The following AGTPBP1 variants were observed in gnomAD, a reference collection of about 807,000 sequenced individuals.
AGTPBP1 encodes ATP/GTP binding carboxypeptidase 1.
A neutral mutation model predicts 143.9 loss-of-function variants in AGTPBP1; 70 were observed. That is an observed-to-expected ratio of 0.49 (90% confidence interval 0.40 to 0.59). The LOEUF (loss-of-function observed/expected upper bound fraction) is 0.59. Among genes scored for constraint, AGTPBP1 ranks in the 20% least tolerant of loss-of-function variants. The probability of loss-of-function intolerance (pLI) is 0.00; values close to 1 mark genes in which losing one functional copy is unlikely to be tolerated. For missense variants in AGTPBP1, 1,229 were observed against 1,464.5 expected (o/e 0.84, Z 2.62); for synonymous variants, 463 against 500.2 (o/e 0.93, Z 0.99).
rs116116235 is a variant in AGTPBP1, at chr9:85,584,856, C to A, written c.3165+607G>T. On this transcript the variant is annotated intron_variant, in intron 23 of 25. Transcript: ENST00000357081. ...ACTTTACCAAATATAAAAGACTTGACTAAATAGACACATAGGCAATGGTCA... is the reference window on the plus strand; with the variant it reads ...ACTTTACCAAATATAAAAGACTTGAATAAATAGACACATAGGCAATGGTCA... Among the ~76,000 whole-genome samples, 454 of 152,224 alleles carry A rather than the reference C, an allele frequency of 3.0e-3. 3 individuals carry two copies. Among genetic ancestry groups the A allele is most frequent in the African/African-American group, 0.01 (434 of 41,530 alleles).
intron 14 of AGTPBP1, among the ~76,000 whole-genome samples, chr9:85,627,264 A>T (rs1274421294): frequency 1.3e-5 from 2 of 152,166 alleles, no homozygotes; most frequent in Non-Finnish European, 2.9e-5. Flanking sequence ...GCGCGCACAC[A>T]CACACACAGA....
intron 5 of AGTPBP1, among the ~76,000 whole-genome samples, chr9:85,677,931 G>A (rs963076347): frequency 6.6e-6 from 1 of 152,174 alleles, no homozygotes; most frequent in African/African-American, 2.4e-5. Context: ...TTGAACCTAG[G>A]AGGCAGAGGT....
At chr9:85,728,412 G>A (rs1391172676) in intron 1 of AGTPBP1, among the ~76,000 whole-genome samples, 1 of 152,024 alleles carries the variant, frequency 6.6e-6, no homozygotes. Context: ...CACTCGAGAT[G>A]AGATTTACTG....
intron 3 of AGTPBP1, among the ~76,000 whole-genome samples, chr9:85,690,682 G>A (rs12551635): frequency 6.6e-5 from 10 of 151,514 alleles, no homozygotes; most frequent in South Asian, 4.2e-4. Flanking sequence ...CTCTGATAGC[G>A]GTATGGTCAG....
chr9:85,771,101 T>C, the AGTPBP1 span, among the ~76,000 whole-genome samples: 3 of 152,228 alleles, frequency 2.0e-5, no homozygotes, highest in Non-Finnish European at 4.4e-5. Context: ...ACTTAAGTTA[T>C]ATATTATGAA....
At chr9:85,633,778 T>C (rs1831844176) in intron 13 of AGTPBP1, among the ~76,000 whole-genome samples, 1 of 152,134 alleles carries the variant, frequency 6.6e-6, no homozygotes, top group South Asian at 2.1e-4. Flanking sequence ...AACTCTTCCC[T>C]TTTGTAGCTG....
At chr9:85,722,715 G>A (rs1838210764) in intron 1 of AGTPBP1, among the ~76,000 whole-genome samples, 1 of 152,098 alleles carries the variant, frequency 6.6e-6, no homozygotes, top group South Asian at 2.1e-4. Flanking sequence ...TTGTTCCTTT[G>A]CAGTGAGGAA....
At chr9:85,672,489 TAAAATTCTTTTTGTG>T in intron 7 of AGTPBP1, 46 bp downstream of exon 7, 1 of 1,552,412 alleles carries the variant, frequency 6.4e-7, no homozygotes, top group South Asian at 1.2e-5. Context: ...CAGGATACTT[TAAAATTCTTTTTGTG>T]TAACTTTACA....
intron 1 of AGTPBP1, among the ~76,000 whole-genome samples, chr9:85,731,378 G>A (rs1037935840): frequency 6.6e-6 from 1 of 152,042 alleles, no homozygotes; most frequent in African/African-American, 2.4e-5. Context: ...TGACAGGAAT[G>A]TACAATGGTG....
the AGTPBP1 span, among the ~76,000 whole-genome samples, chr9:85,797,283 A>T: frequency 6.6e-6 from 1 of 151,824 alleles, no homozygotes; most frequent in African/African-American, 2.4e-5. Context: ...AATTTTTTTT[A>T]CTTAAGGTAG....
intron 23 of AGTPBP1, among the ~76,000 whole-genome samples, chr9:85,579,580 A>AC (rs1828111989): frequency 7.9e-6 from 1 of 127,322 alleles, no homozygotes; most frequent in Non-Finnish European, 1.5e-5. Context: ...ACCCTGAGAA[A>AC]TTGTGTGTGT....
At chr9:85,609,105 G>T (rs1830159840) in intron 17 of AGTPBP1, among the ~76,000 whole-genome samples, 1 of 152,098 alleles carries the variant, frequency 6.6e-6, no homozygotes. Flanking sequence ...CTCATGGAGT[G>T]TATGTGTGTT....
upstream of AGTPBP1, among the ~76,000 whole-genome samples, chr9:85,744,873 C>T (rs1162236153): frequency 6.6e-6 from 1 of 152,226 alleles, no homozygotes; most frequent in Non-Finnish European, 1.5e-5. Context: ...TTCATGAAAT[C>T]ATACTTTTAT....
chr9:85,695,344 T>C (rs1365891373), intron 2 of AGTPBP1, among the ~76,000 whole-genome samples: 3 of 152,150 alleles, frequency 2.0e-5, no homozygotes, highest in African/African-American at 7.2e-5. Context: ...TAAATGTTTG[T>C]TACCACAGAA....
chr9:85,759,041 T>G, the AGTPBP1 span, among the ~76,000 whole-genome samples: 15 of 152,052 alleles, frequency 9.9e-5, no homozygotes, highest in African/African-American at 3.4e-4. Context: ...TACATAATGG[T>G]AAAGGGATCA....
At chr9:85,580,190 T>C (rs1828163934) in intron 23 of AGTPBP1, among the ~76,000 whole-genome samples, 2 of 151,218 alleles carry the variant, frequency 1.3e-5, no homozygotes, top group South Asian at 4.2e-4. Flanking sequence ...TGAGCCGAGA[T>C]TGCACCATTG....
chr9:85,550,086 G>A (rs1009700845), intron 25 of AGTPBP1, among the ~76,000 whole-genome samples: 7 of 152,134 alleles, frequency 4.6e-5, no homozygotes, highest in African/African-American at 1.4e-4. Context: ...GGGCCCACCA[G>A]TGCTAGCTCG....
the AGTPBP1 span, among the ~76,000 whole-genome samples, chr9:85,748,910 A>G: frequency 2.0e-4 from 31 of 152,052 alleles, no homozygotes; most frequent in Non-Finnish European, 3.5e-4. Flanking sequence ...CTTAGGGAAA[A>G]GAAGACACTG....
chr9:85,726,883 G>A (rs561016674), intron 1 of AGTPBP1, among the ~76,000 whole-genome samples: 2 of 152,182 alleles, frequency 1.3e-5, no homozygotes, highest in Non-Finnish European at 2.9e-5. Flanking sequence ...CACAATTGGT[G>A]GTGAGAATCT....
Sources: gnomAD v4.1 joint callset for allele counts (sites outside exome capture counted in the v4.1 genomes callset) on GRCh38, gnomAD v4.1.1 for gene constraint, MANE v1.5 for transcripts, NCBI Gene and HGNC (gene_info 2026-07-23, HGNC 2026-07-21) for gene names.